WWP2: variants seen among roughly 807,000 people sequenced by gnomAD.
WWP2 encodes the protein NEDD4-like E3 ubiquitin-protein ligase WWP2.
Under a neutral mutation model 121.0 loss-of-function variants are expected in WWP2, and 57 were observed. The observed-to-expected ratio is 0.47, with a 90% CI of 0.38 to 0.59. The LOEUF is 0.59. Among genes scored for constraint, WWP2 ranks in the 20% least tolerant of loss-of-function variants. The pLI is 0.00. For missense variants in WWP2, 962 were observed against 1,158.9 expected (o/e 0.83, Z 2.47); for synonymous variants, 449 against 441.3 (o/e 1.02, Z -0.22).
rs2058811471 is a variant in WWP2 at position 69,937,118 on chromosome 16, G to A, written c.2118G>A (p.Met706Ile). Residue 706 changes from methionine (M) to isoleucine (I), a missense_variant and splice_region_variant, in exon 20 of 24, where the codon ATG (methionine) becomes ATA (isoleucine). Coordinates refer to ENST00000359154, the MANE Select transcript of WWP2 (RefSeq NM_001270454.2). This position sits in a 1 kb window ranked among gnomAD's most constrained non-coding sequence, Gnocchi z 6.6. ...VTEENKEEYIMLLTDWRFTRG... is the reference protein window; with the variant it reads ...VTEENKEEYIILLTDWRFTRG... ...ACCCATGGCTGCTCTTTGGTCTCAG[G>A]CTGCTGACTGACTGGCGTTTCACCC... is the stretch of plus-strand genomic sequence containing the variant. The A allele has an allele frequency of 1.2e-6, 2 of 1,613,902 alleles. No homozygotes were observed.
intron 1 of WWP2, among the ~76,000 whole-genome samples, chr16:69,773,626 A>G (rs528743613): frequency 1.0e-3 from 157 of 152,052 alleles, no homozygotes; most frequent in Non-Finnish European, 1.9e-3. Flanking sequence ...GACTACAGGC[A>G]TGCACCACCA....
chr16:69,791,078 A>T (rs1047642160), intron 2 of WWP2, among the ~76,000 whole-genome samples: 2 of 152,044 alleles, frequency 1.3e-5, no homozygotes, highest in South Asian at 4.1e-4. Flanking sequence ...TATGGTTTTA[A>T]ACTGGGGGCT....
At chr16:69,892,677 G>A (rs1245306332) in intron 8 of WWP2, among the ~76,000 whole-genome samples, 1 of 152,136 alleles carries the variant, frequency 6.6e-6, no homozygotes, top group East Asian at 1.9e-4. Context: ...GGGACTACAG[G>A]TGCCTGCCAC....
intron 7 of WWP2, among the ~76,000 whole-genome samples, chr16:69,884,866 C>T (rs7191376): frequency 0.1 from 15,271 of 152,156 alleles, 910 homozygotes; most frequent in African/African-American, 0.17. Flanking sequence ...TTTCTCTTTA[C>T]AGAAGTATTG....
intron 10 of WWP2, among the ~76,000 whole-genome samples, chr16:69,923,417 G>A (rs2058593485): frequency 2.4e-5 from 2 of 83,942 alleles, no homozygotes. Flanking sequence ...CATGAAGGCT[G>A]AGATTTTTTT....
intron 4 of WWP2, among the ~76,000 whole-genome samples, chr16:69,814,536 A>G (rs1399905404): frequency 6.6e-6 from 1 of 152,192 alleles, no homozygotes; most frequent in Non-Finnish European, 1.5e-5. Flanking sequence ...TGAAAGGTGA[A>G]GTTGATTTTG....
In WWP2 at chr16:69,873,031, G is replaced by A. The variant is rs189450156; in HGVS notation, c.703+1100G>A. On this transcript the variant is annotated intron_variant, in intron 7 of 23. Coordinates refer to ENST00000359154, the MANE Select transcript of WWP2 (RefSeq NM_001270454.2). Reference sequence around the variant, plus strand: ...AGTTGGGCTGGGATGTAGATGTTTCGCTTGGATGAATTGTAGGTAGAGGAA... The same window carrying A: ...AGTTGGGCTGGGATGTAGATGTTTCACTTGGATGAATTGTAGGTAGAGGAA... 4.8e-4 allele frequency among the ~76,000 whole-genome samples: 73 copies of A among 152,304 alleles called. 1 individual carries two copies. In the East Asian group the frequency reaches 5.8e-3, roughly 12 times the overall value.
intron 4 of WWP2, among the ~76,000 whole-genome samples, chr16:69,833,917 C>T (rs1210022789): frequency 6.6e-6 from 1 of 152,182 alleles, no homozygotes; most frequent in Non-Finnish European, 1.5e-5. Flanking sequence ...GGCTTTCTAA[C>T]TCATGCTAGG....
intron 2 of WWP2, among the ~76,000 whole-genome samples, chr16:69,795,894 T>C: frequency 6.6e-6 from 1 of 151,850 alleles, no homozygotes; most frequent in Non-Finnish European, 1.5e-5. Flanking sequence ...GTGATCTGCC[T>C]GCCTCGGCCT....
At chr16:69,829,677 AG>A (rs1237798788) in intron 4 of WWP2, among the ~76,000 whole-genome samples, 1 of 152,230 alleles carries the variant, frequency 6.6e-6, no homozygotes, top group African/African-American at 2.4e-5. Context: ...CTGGCTGCTC[AG>A]GGGACCATAT....
At chr16:69,842,743 C>T (rs1198561543) in intron 6 of WWP2, among the ~76,000 whole-genome samples, 2 of 152,146 alleles carry the variant, frequency 1.3e-5, no homozygotes, top group Non-Finnish European at 2.9e-5. Context: ...CATCACAGCT[C>T]ATAGCAGCCT....
chr16:69,801,219 A>G (rs1425458387), intron 4 of WWP2, among the ~76,000 whole-genome samples: 1 of 147,820 alleles, frequency 6.8e-6, no homozygotes, highest in Non-Finnish European at 1.5e-5. Flanking sequence ...TTAATTAATT[A>G]ATTTTTATTT....
At position 69,917,751 on chromosome 16, in the gene WWP2, G is replaced by A; in HGVS notation, c.1047G>A (p.Val349=). 1 of 1,612,252 alleles carries A rather than the reference G, an allele frequency of 6.2e-7. No homozygotes were observed. The highest frequency in any genetic ancestry group is 8.5e-7 in the Non-Finnish European group (1 of 1,178,344). The part of the protein sequence containing the change: ...RTDPRGRFYY[V]DHNTRTTTWQ... ...ATCCCCGAGGCAGGTTTTACTATGTGGATCACAATACTCGGACCACCACCT... is the reference window on the plus strand; with the variant it reads ...ATCCCCGAGGCAGGTTTTACTATGTAGATCACAATACTCGGACCACCACCT... Residue 349 remains valine (V), a synonymous_variant, in exon 10 of 24, where the codon GTG becomes GTA. Coordinates refer to ENST00000359154, the MANE Select transcript of WWP2 (RefSeq NM_001270454.2).
intron 9 of WWP2, among the ~76,000 whole-genome samples, chr16:69,915,105 G>A (rs59740587): frequency 0.092 from 13,950 of 152,266 alleles, 2,121 homozygotes; most frequent in African/African-American, 0.31. Context: ...GGCCGAGAGA[G>A]GAAGGCCACT....
intron 4 of WWP2, among the ~76,000 whole-genome samples, chr16:69,816,772 CACAT>C (rs558926806): frequency 1.4e-4 from 22 of 152,162 alleles, no homozygotes; most frequent in African/African-American, 5.1e-4. Context: ...TACACATACA[CACAT>C]ACACATATAC....
chr16:69,871,757 T>C (rs201942149), intron 6 of WWP2, 47 bp from the exon 7 acceptor site: 41 of 1,608,918 alleles, frequency 2.5e-5, no homozygotes, highest in Non-Finnish European at 3.2e-5. Flanking sequence ...ACTTCTGTCC[T>C]TTTCACAGTG....
chr16:69,773,682 A>G (rs1202742767), intron 1 of WWP2, among the ~76,000 whole-genome samples: 3 of 150,970 alleles, frequency 2.0e-5, no homozygotes, highest in African/African-American at 7.3e-5. Context: ...GGGTTTCTCT[A>G]TGTTGCCTAG....
At chr16:69,766,445 A>G (rs2038732678) in intron 1 of WWP2, among the ~76,000 whole-genome samples, 1 of 152,008 alleles carries the variant, frequency 6.6e-6, no homozygotes, top group African/African-American at 2.4e-5. Flanking sequence ...CAAACCCTCC[A>G]ATTGTCCCAG....
In WWP2 at chr16:69,778,072, A is replaced by AATATATATATAT. The variant is rs138021233; in HGVS notation, c.-15-8916_-15-8905dup. ...GGTGACAGAGTGAAACCCTGTCTCA[A>AATATATATATAT]ATATATATATATATATATACACACA... On this transcript the variant is annotated intron_variant, in intron 1 of 23. Transcript: ENST00000359154. Among the ~76,000 whole-genome samples, 1,342 of 137,460 alleles carry AATATATATATAT rather than the reference A, an allele frequency of 9.8e-3. 19 individuals carry two copies. Among genetic ancestry groups the AATATATATATAT allele is most frequent in the African/African-American group, 0.033 (1,168 of 35,770 alleles). The allele number at this position is 137,460 out of a possible 152,430, so 90.2% of individuals were successfully genotyped here.
Sources: gnomAD v4.1 joint callset for allele counts (sites outside exome capture counted in the v4.1 genomes callset) on GRCh38, gnomAD v4.1.1 for gene constraint, Gnocchi (gnomAD v3.1) non-coding constraint, MANE v1.5 for transcripts, NCBI Gene and HGNC (gene_info 2026-07-23, HGNC 2026-07-21) for gene names.